C17orf99: variants seen among roughly 807,000 people sequenced by gnomAD.
C17orf99 encodes the protein protein IL-40.
Under a neutral mutation model 22.6 loss-of-function variants are expected in C17orf99, and 18 were observed. That is an observed-to-expected ratio of 0.80 (90% CI 0.55 to 1.18). The LOEUF is 1.18. Ranked by LOEUF, C17orf99 falls within the 50% of genes most tolerant of loss-of-function variation. C17orf99 has a pLI of 0.00. For missense variants in C17orf99, 328 were observed against 342.7 expected (o/e 0.96, Z 0.34); for synonymous variants, 147 against 136.6 (o/e 1.08, Z -0.53).
Position 78,146,729 on chromosome 17 carries a change from T to C in C17orf99, c.38-150T>C. On this transcript the variant is annotated intron_variant, in intron 1 of 4. Transcript: ENST00000340363. This position sits in a 1 kb window ranked among gnomAD's most constrained non-coding sequence, Gnocchi z 5.2. ...GGGGGGAGGGGCGCAAAAGAGCTTTTGTGAGTGATGGTGCCAGCTGAGTCC... is the reference window on the plus strand; with the variant it reads ...GGGGGGAGGGGCGCAAAAGAGCTTTCGTGAGTGATGGTGCCAGCTGAGTCC... 2.6e-6 allele frequency: 2 copies of C among 757,556 alleles called. No homozygotes were observed. The highest frequency in any genetic ancestry group is 5.4e-5 in the East Asian group (2 of 36,794). The allele number at this position is 757,556 out of a possible 1,614,324, so 46.9% of individuals were successfully genotyped here.
chr17:78,164,228 C>T lies in C17orf99; in HGVS notation c.504C>T (p.Val168=), dbSNP rs1177419262. 1 of 1,551,472 alleles carries T rather than the reference C, an allele frequency of 6.4e-7. No homozygotes were observed. The highest frequency in any genetic ancestry group is 8.7e-7 in the Non-Finnish European group (1 of 1,147,008). ...TNSLIGKDGQ[V]HLQQRPCHRQ... ...GCCTGATCGGGAAGGATGGGCAGGTCCACCTGCAGCAGAGACCATGCCACA... is the reference window on the plus strand; with the variant it reads ...GCCTGATCGGGAAGGATGGGCAGGTTCACCTGCAGCAGAGACCATGCCACA... Residue 168 remains valine (V), a synonymous_variant, in exon 4 of 5, where the codon GTC becomes GTT. Coordinates refer to ENST00000340363, the MANE Select transcript of C17orf99 (RefSeq NM_001163075.2).
intron 3 of C17orf99, among the ~76,000 whole-genome samples, chr17:78,162,913 G>A (rs542786609): frequency 6.6e-6 from 1 of 152,284 alleles, no homozygotes; most frequent in Admixed American, 6.5e-5. Flanking sequence ...AGCCTCCCGA[G>A]TAGCTGGGAC....
Position 78,166,088 on chromosome 17 carries a change from G to C in C17orf99, c.*42G>C, listed in dbSNP as rs1374792984. 2 of 722,632 alleles carry C rather than the reference G, an allele frequency of 2.8e-6. No individual in the cohort carries two copies. Among genetic ancestry groups the C allele is most frequent in the East Asian group, 6.8e-5 (2 of 29,260 alleles). 44.8% of individuals were successfully genotyped at this position (722,632 alleles called of 1,614,324 possible). A position where few individuals can be genotyped will look rare whatever the true frequency, so the allele number is the denominator to read the frequency against. On this transcript the variant is annotated 3_prime_UTR_variant, in exon 5 of 5. Coordinates refer to ENST00000340363, the MANE Select transcript of C17orf99 (RefSeq NM_001163075.2). ...AGCCAAGCACGGCAGAGGACTGCAG[G>C]CCATCAGCGTGCACTGTTCGTATTT...
chr17:78,163,973 C>T, intron 3 of C17orf99, 122 bp from the exon 4 acceptor site: 3 of 843,010 alleles, frequency 3.6e-6, no homozygotes, highest in African/African-American at 1.7e-5. Flanking sequence ...TAGAAGGCGG[C>T]CTGGAGGAGG....
At chr17:78,164,920 G>A in intron 4 of C17orf99, 1 of 1,160,680 alleles carries the variant, frequency 8.6e-7, no homozygotes, top group Non-Finnish European at 1.1e-6. Flanking sequence ...CTGTAACACA[G>A]TCTGCTGGCC....
At chr17:78,154,313 C>T (rs1237017300) in intron 2 of C17orf99, among the ~76,000 whole-genome samples, 1 of 151,222 alleles carries the variant, frequency 6.6e-6, no homozygotes, top group Non-Finnish European at 1.5e-5. Flanking sequence ...CTTTGGGAGG[C>T]CAAGGTGGGT....
intron 2 of C17orf99, among the ~76,000 whole-genome samples, chr17:78,155,462 T>C (rs2145782623): frequency 6.6e-6 from 1 of 151,806 alleles, no homozygotes; most frequent in East Asian, 1.9e-4. Flanking sequence ...CACCACACAG[T>C]ATTCTTTTTT....
intron 2 of C17orf99, among the ~76,000 whole-genome samples, chr17:78,157,158 C>T (rs889420678): frequency 2.0e-5 from 3 of 150,844 alleles, no homozygotes; most frequent in Non-Finnish European, 3.0e-5. Context: ...AGTGAAACTC[C>T]GTCTCTACTA....
intron 2 of C17orf99, among the ~76,000 whole-genome samples, chr17:78,155,099 C>G (rs1476913665): frequency 1.3e-5 from 2 of 150,680 alleles, no homozygotes; most frequent in Non-Finnish European, 2.9e-5. Context: ...TGGCCTCTAC[C>G]CACTAAATGT....
chr17:78,146,258 G>A, upstream of C17orf99: 8 of 628,810 alleles, frequency 1.3e-5, no homozygotes, highest in South Asian at 1.4e-4. This position sits in a 1 kb window ranked among gnomAD's most constrained non-coding sequence, Gnocchi z 5.2. Context: ...GCCCCGCCCT[G>A]GTAGCTGAGG....
intron 3 of C17orf99, among the ~76,000 whole-genome samples, chr17:78,161,958 G>T: frequency 6.6e-6 from 1 of 152,154 alleles, no homozygotes; most frequent in African/African-American, 2.4e-5. Context: ...AGCTATGTAA[G>T]CTAAAACTCT....
chr17:78,158,306 T>G lies in C17orf99; in HGVS notation c.71-2649T>G, dbSNP rs2075544750. 3 of 390,308 alleles carry G rather than the reference T, an allele frequency of 7.7e-6. No individual in the cohort carries two copies. In the Admixed American group the frequency reaches 1.1e-4, roughly 14 times the overall value. 24.2% of individuals were successfully genotyped at this position (390,308 alleles called of 1,614,324 possible). A position where few individuals can be genotyped will look rare whatever the true frequency, so the allele number is the denominator to read the frequency against. ...TGCTGGACTCCTCCTACACATTTTTTTTTTTTGAGATGGATTCTCGCCCTG... is the reference window on the plus strand; with the variant it reads ...TGCTGGACTCCTCCTACACATTTTTGTTTTTTGAGATGGATTCTCGCCCTG... On this transcript the variant is annotated intron_variant, in intron 2 of 4. Transcript: ENST00000340363.
intron 2 of C17orf99, among the ~76,000 whole-genome samples, chr17:78,159,425 G>A (rs1163572355): frequency 6.6e-6 from 1 of 152,028 alleles, no homozygotes; most frequent in Non-Finnish European, 1.5e-5. Flanking sequence ...GACCACCTGA[G>A]GTCTCGAGTT....
chr17:78,157,456 A>C, intron 2 of C17orf99: 1 of 1,311,488 alleles, frequency 7.6e-7, no homozygotes, highest in Non-Finnish European at 1.0e-6. Context: ...GAGACAGGAG[A>C]TGCAGGGCCT....
intron 3 of C17orf99, 68 bp downstream of exon 3, chr17:78,161,322 G>A: frequency 3.7e-6 from 5 of 1,363,792 alleles, no homozygotes; most frequent in Non-Finnish European, 5.0e-6. Context: ...AGCTCTGGGA[G>A]TGGGGATTGT....
Position 78,164,308 on chromosome 17 carries a change from G to C in C17orf99, c.584G>C (p.Cys195Ser). The part of the protein sequence containing the change: ...LPSQTSDWFW[C>S]QAANNANVQH... ...AGCCAGACATCGGACTGGTTCTGGTGCCAGGCTGCAAACAACGCCAATGTC... is the reference window on the plus strand; with the variant it reads ...AGCCAGACATCGGACTGGTTCTGGTCCCAGGCTGCAAACAACGCCAATGTC... Residue 195 changes from cysteine to serine, a missense_variant, in exon 4 of 5, where the codon TGC (cysteine) becomes TCC (serine). Cys to Ser is a moderately radical substitution (Grantham distance 112). Coordinates refer to ENST00000340363, the MANE Select transcript of C17orf99 (RefSeq NM_001163075.2). The C allele has an allele frequency of 1.9e-6, 3 of 1,551,606 alleles. No individual in the cohort carries two copies. The highest frequency in any genetic ancestry group is 2.6e-6 in the Non-Finnish European group (3 of 1,147,006).
At position 78,164,143 on chromosome 17, in the gene C17orf99, C is replaced by T; in HGVS notation, c.419C>T (p.Ala140Val). ...AACTTCACTCTGCAGGACAGAGGGGCAGGCCCCAGGGTGGAGATGATCTGC... is the reference window on the plus strand; with the variant it reads ...AACTTCACTCTGCAGGACAGAGGGGTAGGCCCCAGGGTGGAGATGATCTGC... ...RANFTLQDRG[A>V]GPRVEMICQA... Residue 140 changes from alanine to valine, a missense_variant, in exon 4 of 5, where the codon GCA becomes GTA. Ala to Val is a moderately conservative substitution (Grantham distance 64). Coordinates refer to ENST00000340363, the MANE Select transcript of C17orf99 (RefSeq NM_001163075.2). 6.4e-7 allele frequency: 1 copy of T among 1,551,698 alleles called. No homozygotes were observed. The highest frequency in any genetic ancestry group is 8.7e-7 in the Non-Finnish European group (1 of 1,147,020).
chr17:78,160,805 A>G lies in C17orf99; in HGVS notation c.71-150A>G, dbSNP rs531455790. ...ACCATGTTGGCTACACTGGTTTTGA[A>G]CTCCTGACCTCAAGTGATCCGTCCA... On this transcript the variant is annotated intron_variant, in intron 2 of 4. Transcript: ENST00000340363. 3 of 641,690 alleles carry G rather than the reference A, an allele frequency of 4.7e-6. No individual in the cohort carries two copies. The Admixed American group carries it at 8.8e-5, about 19-fold the overall frequency. The allele number at this position is 641,690 out of a possible 1,614,324, so 39.7% of individuals were successfully genotyped here.
intron 2 of C17orf99, among the ~76,000 whole-genome samples, chr17:78,159,589 C>G (rs1485462511): frequency 1.5e-5 from 1 of 67,674 alleles, no homozygotes; most frequent in African/African-American, 1.3e-4. Context: ...AAGACTCTGT[C>G]TCAAAAAAAA....
Sources: gnomAD v4.1 joint callset for allele counts (sites outside exome capture counted in the v4.1 genomes callset) on GRCh38, gnomAD v4.1.1 for gene constraint, Gnocchi (gnomAD v3.1) non-coding constraint, MANE v1.5 for transcripts, NCBI Gene and HGNC (gene_info 2026-07-23, HGNC 2026-07-21) for gene names.